The following MLKL variants were observed in gnomAD, a reference collection of about 807,000 sequenced individuals.
The protein encoded by MLKL is mixed lineage kinase domain-like protein.
Under a neutral mutation model 56.5 loss-of-function variants are expected in MLKL, and 55 were observed. That is an observed-to-expected ratio of 0.97 (90% CI 0.78 to 1.22). The LOEUF (loss-of-function observed/expected upper bound fraction) is 1.22, where lower values mean the gene tolerates loss of function less well. MLKL is among the 50% of genes most tolerant of loss of function. The pLI is 0.00. For missense variants in MLKL, 694 were observed against 573.9 expected, an observed-to-expected ratio of 1.21 and a Z score of -2.14; for synonymous variants, 251 against 208.3, an observed-to-expected ratio of 1.20 and a Z score of -1.76.
At chr16:74,690,416 A>G (rs924378833) in intron 4 of MLKL, among the ~76,000 whole-genome samples, 4 of 152,166 alleles carry the variant, frequency 2.6e-5, no homozygotes, top group African/African-American at 9.7e-5. Flanking sequence ...ATTCTTATAC[A>G]GGTCCCTAAA....
chr16:74,675,782 T>C lies in MLKL; in HGVS notation c.1039-18A>G. Reference sequence around the variant, plus strand: ...CCTGCAAGCTAGATAGAGAGGCAACTTAGAAAGAAACAAGCAAGATCTTGG... The same window carrying C: ...CCTGCAAGCTAGATAGAGAGGCAACCTAGAAAGAAACAAGCAAGATCTTGG... On this transcript the variant is annotated intron_variant, in intron 7 of 10. Transcript: ENST00000308807. 1 of 1,612,440 alleles carries C rather than the reference T, an allele frequency of 6.2e-7. No homozygotes were observed. Among genetic ancestry groups the C allele is most frequent in the Non-Finnish European group, 8.5e-7 (1 of 1,179,314 alleles).
At chr16:74,675,542 T>C in intron 8 of MLKL, 71 bp downstream of exon 8, 1 of 1,577,068 alleles carries the variant, frequency 6.3e-7, no homozygotes, top group South Asian at 1.2e-5. Context: ...AGGTGGTCCT[T>C]GGAGGAGTTT....
intron 10 of MLKL, among the ~76,000 whole-genome samples, chr16:74,673,099 A>G (rs975540237): frequency 2.0e-5 from 3 of 152,178 alleles, no homozygotes; most frequent in Non-Finnish European, 2.9e-5. Flanking sequence ...TTCCCAACAG[A>G]CCATCTGTGA....
chr16:74,676,198 TG>T, intron 7 of MLKL: 1 of 986,758 alleles, frequency 1.0e-6, no homozygotes, highest in Non-Finnish European at 1.2e-6. Context: ...AAAAATGGCA[TG>T]GGGGCATCCC....
At chr16:74,685,767 C>A (rs1960288475) in intron 4 of MLKL, among the ~76,000 whole-genome samples, 184 bp from the exon 5 acceptor site, 3 of 152,144 alleles carry the variant, frequency 2.0e-5, no homozygotes, top group African/African-American at 7.2e-5. Flanking sequence ...TGTGGCAGCA[C>A]AATTAGTCCC....
At position 74,675,071 on chromosome 16, in the gene MLKL, C is replaced by T. The variant is rs775105387; in HGVS notation, c.1270G>A (p.Val424Met). 6.8e-6 allele frequency: 11 copies of T among 1,614,036 alleles called. No homozygotes were observed. The Admixed American group carries it at 1.0e-4, about 15-fold the overall frequency. The change falls in exon 10 of 11, where the codon GTG becomes ATG. Residue 424 changes from valine to methionine, a missense_variant. By Grantham distance (21) the Val-to-Met change is conservative. Transcript: ENST00000308807. ...GCNSEKIRKL[V>M]AVKRQQEPLG... ...GGCTCCTGCTGCCGCTTCACAGCCA[C>T]CAGCTTGCGGATCTTCTCAGAATTA...
At chr16:74,674,687 C>T (rs1462394864) in intron 10 of MLKL, among the ~76,000 whole-genome samples, 1 of 152,106 alleles carries the variant, frequency 6.6e-6, no homozygotes, top group Non-Finnish European at 1.5e-5. Context: ...AAGTGATCTG[C>T]CCATCTCAGC....
In MLKL at chr16:74,679,593, A is replaced by G. The variant is rs943803089; in HGVS notation, c.957-613T>C. On this transcript the variant is annotated intron_variant, in intron 6 of 10. Coordinates refer to ENST00000308807, the MANE Select transcript of MLKL (RefSeq NM_152649.4). ...GAGACCAAGGTGGATGGATCACTTG[A>G]GGTCAGGAGTTTGAGACCAGCTTCG... Among the ~76,000 whole-genome samples the G allele has an allele frequency of 1.2e-4, 18 of 152,300 alleles. No homozygotes were observed. The South Asian group carries it at 2.1e-3, about 18-fold the overall frequency.
intron 3 of MLKL, among the ~76,000 whole-genome samples, 185 bp downstream of exon 3, chr16:74,692,157 C>T (rs1457529847): frequency 6.6e-6 from 1 of 152,182 alleles, no homozygotes; most frequent in Non-Finnish European, 1.5e-5. Context: ...AAGCTCTCTC[C>T]ACATGTTATT....
chr16:74,687,957 C>A (rs892229398), intron 4 of MLKL, among the ~76,000 whole-genome samples: 52 of 152,186 alleles, frequency 3.4e-4, no homozygotes, highest in African/African-American at 1.2e-3. Flanking sequence ...TCCTGAGTAG[C>A]TGGGACTACA....
At chr16:74,687,744 C>A (rs1045189040) in intron 4 of MLKL, among the ~76,000 whole-genome samples, 1 of 152,162 alleles carries the variant, frequency 6.6e-6, no homozygotes, top group African/African-American at 2.4e-5. Flanking sequence ...TTTCTGCTCA[C>A]TGCAATACCT....
Position 74,700,829 on chromosome 16 carries a change from C to T in MLKL, c.-379G>A, listed in dbSNP as rs1961343602. 1 of 152,290 alleles carries T rather than the reference C, an allele frequency of 6.6e-6. No homozygotes were observed. The highest frequency in any genetic ancestry group is 1.5e-5 in the Non-Finnish European group (1 of 68,108). The allele number at this position is 152,290 out of a possible 1,614,324, so 9.4% of individuals were successfully genotyped here. ...GAGAATGCTGCGACACTTCCCCCTC[C>T]GACGTGGCTCCAGCTGCCAACCACC... On this transcript the variant is annotated 5_prime_UTR_variant, in exon 1 of 11. Coordinates refer to ENST00000308807, the MANE Select transcript of MLKL (RefSeq NM_152649.4).
At chr16:74,692,814 G>A (rs1254982018) in intron 2 of MLKL, among the ~76,000 whole-genome samples, 1 of 152,180 alleles carries the variant, frequency 6.6e-6, no homozygotes, top group Non-Finnish European at 1.5e-5. Flanking sequence ...GCCTGAATGA[G>A]AAATAAACTT....
chr16:74,693,463 AAAAAAG>A (rs1363277067), intron 2 of MLKL, among the ~76,000 whole-genome samples: 37 of 100,750 alleles, frequency 3.7e-4, no homozygotes, highest in African/African-American at 1.6e-3. Context: ...CAAAAAAAAA[AAAAAAG>A]AAAAGAAAAA....
At chr16:74,693,365 G>A (rs1960791470) in intron 2 of MLKL, among the ~76,000 whole-genome samples, 1 of 149,606 alleles carries the variant, frequency 6.7e-6, no homozygotes, top group South Asian at 2.1e-4. Context: ...CTACTGGGGT[G>A]ACTGAGGCAC....
chr16:74,675,879 A>C (rs1007545867), intron 7 of MLKL, 115 bp from the exon 8 acceptor site: 3 of 1,160,696 alleles, frequency 2.6e-6, no homozygotes, highest in African/African-American at 3.1e-5. Flanking sequence ...TTAGGGATTT[A>C]TTTCCTGTCG....
At chr16:74,685,465 A>T in intron 5 of MLKL, 21 bp downstream of exon 5, 1 of 1,592,190 alleles carries the variant, frequency 6.3e-7, no homozygotes, top group South Asian at 1.1e-5. Flanking sequence ...AAGCTTGACC[A>T]ATCCTAGAAG....
Position 74,695,568 on chromosome 16 carries a change from G to C in MLKL, c.190C>G (p.Arg64Gly). 3 of 1,614,128 alleles carry C rather than the reference G, an allele frequency of 1.9e-6. No individual in the cohort carries two copies. The highest frequency in any genetic ancestry group is 2.5e-6 in the Non-Finnish European group (3 of 1,180,032). The change falls in exon 2 of 11, where the codon CGC (arginine) becomes GGC (glycine). Residue 64 changes from arginine to glycine, a missense_variant. Coordinates refer to ENST00000308807, the MANE Select transcript of MLKL (RefSeq NM_152649.4). ...GCCTCCTCCAGGGCAGCCTTGAAGC[G>C]GTTCATGGCTGTGGTTAACTTCTCA... ...PSEKLTTAMNRFKAALEEANG... is the reference protein window; with the variant it reads ...PSEKLTTAMNGFKAALEEANG...
intron 1 of MLKL, among the ~76,000 whole-genome samples, chr16:74,696,576 C>T (rs1567621799): frequency 6.6e-6 from 1 of 151,490 alleles, no homozygotes; most frequent in East Asian, 1.9e-4. Context: ...TGCTTGAGGC[C>T]AGGAGTTCCA....
Sources: gnomAD v4.1 joint callset for allele counts (sites outside exome capture counted in the v4.1 genomes callset) on GRCh38, gnomAD v4.1.1 for gene constraint, MANE v1.5 for transcripts, NCBI Gene and HGNC (gene_info 2026-07-23, HGNC 2026-07-21) for gene names.